CCNY: variants seen among roughly 807,000 people sequenced by gnomAD.
CCNY encodes the protein cyclin-Y.
A neutral mutation model predicts 42.8 loss-of-function variants in CCNY; 19 were observed. That is an observed-to-expected ratio of 0.44 (90% CI 0.31 to 0.65). CCNY has a LOEUF of 0.65. CCNY is among the 30% of genes least tolerant of loss of function. The pLI is 0.07. For synonymous variants in CCNY, 165 were observed against 162.7 expected (o/e 1.01, Z -0.11); for missense variants, 370 against 437.3 (o/e 0.85, Z 1.37).
At chr10:35,418,803 T>G (rs148360171) in intron 1 of CCNY, among the ~76,000 whole-genome samples, 6 of 152,110 alleles carry the variant, frequency 3.9e-5, no homozygotes, top group African/African-American at 1.4e-4. Context: ...TGTGCTCAGT[T>G]TCTTCATCTG....
rs775450185 is a variant in CCNY, at chr10:35,253,414, A to AATTTTTTTTTTTTTTTT, written c.-9+2788_-9+2789insATTTTTTTTTTTTTTTT. Among the ~76,000 whole-genome samples, 4 of 89,036 alleles carry AATTTTTTTTTTTTTTTT rather than the reference A, an allele frequency of 4.5e-5. 1 individual carries two copies. The highest frequency in any genetic ancestry group is 9.5e-5 in the African/African-American group (2 of 21,142). 58.4% of individuals were successfully genotyped at this position (89,036 alleles called of 152,430 possible). A position where few individuals can be genotyped will look rare whatever the true frequency, so the allele number is the denominator to read the frequency against. On this transcript the variant is annotated intron_variant, in intron 3 of 11. Coordinates refer to the CCNY transcript ENST00000374706. ...ACAGGCATGCACCAGCATGCTCACT[A>AATTTTTTTTTTTTTTTT]TTTTTTTTTTTTTTTTTTTTTTTTT...
At chr10:35,327,147 A>G (rs1041536850) in intron 3 of CCNY, among the ~76,000 whole-genome samples, 3 of 152,236 alleles carry the variant, frequency 2.0e-5, no homozygotes, top group Non-Finnish European at 2.9e-5. Flanking sequence ...CTTTTAAAAA[A>G]GATAAATATT....
At chr10:35,269,890 A>G (rs1424731824) in intron 3 of CCNY, among the ~76,000 whole-genome samples, 2 of 152,120 alleles carry the variant, frequency 1.3e-5, no homozygotes, top group Non-Finnish European at 2.9e-5. Flanking sequence ...AGACTCCCAA[A>G]GTGCTGGGGT....
rs763655474 is a variant in CCNY, at chr10:35,569,292, G to A, written c.*122G>A. The A allele has an allele frequency of 1.5e-5, 10 of 670,310 alleles. No individual in the cohort carries two copies. The highest frequency in any genetic ancestry group is 2.7e-5 in the East Asian group (1 of 37,234). The allele number at this position is 670,310 out of a possible 1,614,324, so 41.5% of individuals were successfully genotyped here. ...CTTTTCTTTTTTTACGCATAGCTCC[G>A]TCAAGCTGCCTGGATGAGCGCCCAT... On this transcript the variant is annotated 3_prime_UTR_variant, in exon 10 of 10. Transcript: ENST00000374704.
intron 3 of CCNY, among the ~76,000 whole-genome samples, chr10:35,296,833 A>C (rs1298389995): frequency 6.6e-6 from 1 of 152,176 alleles, no homozygotes; most frequent in African/African-American, 2.4e-5. Context: ...AACCAAGAAA[A>C]GCCCAGGACC....
Position 35,572,628 on chromosome 10 carries a change from G to A in CCNY, c.*3458G>A, listed in dbSNP as rs1178505485. On this transcript the variant is annotated 3_prime_UTR_variant, in exon 10 of 10. Coordinates refer to ENST00000374704, the MANE Select transcript of CCNY (RefSeq NM_145012.6). Reference sequence around the variant, plus strand: ...AAAACATGATTCTTGGTTATTGTAGGTATTTAATAAATGTTAAATAAATAT... The same window carrying A: ...AAAACATGATTCTTGGTTATTGTAGATATTTAATAAATGTTAAATAAATAT... 1 of 152,170 alleles carries A rather than the reference G, an allele frequency of 6.6e-6. No homozygotes were observed. Among genetic ancestry groups the A allele is most frequent in the Non-Finnish European group, 1.5e-5 (1 of 68,046 alleles). 9.4% of individuals were successfully genotyped at this position (152,170 alleles called of 1,614,324 possible). A position where few individuals can be genotyped will look rare whatever the true frequency, so the allele number is the denominator to read the frequency against.
At position 35,487,186 on chromosome 10, in the gene CCNY, G is replaced by T. The variant is rs1469438766; in HGVS notation, c.229+3708G>T. 3.3e-5 allele frequency among the ~76,000 whole-genome samples: 5 copies of T among 152,102 alleles called. No homozygotes were observed. The East Asian group carries it at 7.7e-4, about 23-fold the overall frequency. On this transcript the variant is annotated intron_variant, in intron 2 of 9. Transcript: ENST00000374704. ...TTCCATTACAAGACCACAACTGTGG[G>T]TCTTCTACCCTATTTTTTTTCTAGT...
intron 3 of CCNY, among the ~76,000 whole-genome samples, chr10:35,261,318 A>G (rs1230050791): frequency 6.6e-6 from 1 of 150,878 alleles, no homozygotes; most frequent in Non-Finnish European, 1.5e-5. Context: ...GCTCACAGCA[A>G]CCTCCGCCTT....
In CCNY at chr10:35,336,609, A is replaced by G. The variant is rs1289498466; in HGVS notation, c.-445A>G. On this transcript the variant is annotated 5_prime_UTR_variant, in exon 1 of 10. Coordinates refer to ENST00000374704, the MANE Select transcript of CCNY (RefSeq NM_145012.6). The stretch of plus-strand genomic sequence containing the variant: ...CGGCTAGTCCCGCCGTCCGGCGCGG[A>G]CACGCGTGCCCCCGGCTTGAACCGG... Among the ~76,000 whole-genome samples the G allele has an allele frequency of 2.0e-5, 3 of 146,662 alleles. No homozygotes were observed. The highest frequency in any genetic ancestry group is 4.5e-5 in the Non-Finnish European group (3 of 66,140).
chr10:35,560,704 T>G (rs1272313069), intron 8 of CCNY, among the ~76,000 whole-genome samples: 1 of 152,238 alleles, frequency 6.6e-6, no homozygotes, highest in African/African-American at 2.4e-5. Flanking sequence ...GAGATATCTG[T>G]GGACATAGAT....
At position 35,274,848 on chromosome 10, in the gene CCNY, T is replaced by G. The variant is rs79817908; in HGVS notation, c.-9+24222T>G. 4.6e-3 allele frequency among the ~76,000 whole-genome samples: 704 copies of G among 152,186 alleles called. 5 individuals carry two copies. The highest frequency in any genetic ancestry group is 0.01 in the Middle Eastern group (3 of 294). On this transcript the variant is annotated intron_variant, in intron 3 of 11. Coordinates refer to the CCNY transcript ENST00000374706. ...CAGTGCTAATGCGCTGTAGTAAAGC[T>G]GCCACACGGGCACAGCAGCTGCTGC...
intron 1 of CCNY, among the ~76,000 whole-genome samples, chr10:35,432,850 G>A (rs1484542824): frequency 1.3e-5 from 2 of 152,190 alleles, no homozygotes; most frequent in East Asian, 3.8e-4. Flanking sequence ...TACAGCAAAG[G>A]TGCCCCAGGG....
intron 1 of CCNY, among the ~76,000 whole-genome samples, chr10:35,420,755 C>T (rs1838141291): frequency 6.6e-6 from 1 of 152,178 alleles, no homozygotes. Context: ...AAAACAGATG[C>T]TTTCTTTTGG....
intron 3 of CCNY, among the ~76,000 whole-genome samples, chr10:35,307,816 A>AT (rs1292325238): frequency 0.12 from 8,053 of 68,368 alleles, 688 homozygotes; most frequent in Middle Eastern, 0.17. Flanking sequence ...ATATATATAT[A>AT]TATTTTTTTT....
chr10:35,383,376 C>T (rs183060327), intron 1 of CCNY, among the ~76,000 whole-genome samples: 83 of 151,774 alleles, frequency 5.5e-4, no homozygotes, highest in African/African-American at 2.0e-3. Context: ...GGCACAATCT[C>T]GGCTCACTGC....
intron 1 of CCNY, among the ~76,000 whole-genome samples, chr10:35,459,255 C>T (rs771843012): frequency 6.6e-6 from 1 of 152,214 alleles, no homozygotes; most frequent in Non-Finnish European, 1.5e-5. Flanking sequence ...GCGCTGCTGT[C>T]TGAGAGGCCA....
chr10:35,529,010 TA>T (rs1840708738), intron 5 of CCNY, among the ~76,000 whole-genome samples: 1 of 152,182 alleles, frequency 6.6e-6, no homozygotes, highest in Admixed American at 6.5e-5. Context: ...AAATTTCATA[TA>T]ACAGATGAAA....
chr10:35,328,949 T>C (rs772951713), intron 3 of CCNY, among the ~76,000 whole-genome samples: 9 of 152,206 alleles, frequency 5.9e-5, no homozygotes, highest in African/African-American at 1.2e-4. Context: ...GAAATGCAAG[T>C]AAAACATAAT....
At chr10:35,546,397 G>A (rs950496026) in intron 7 of CCNY, among the ~76,000 whole-genome samples, 21 of 152,140 alleles carry the variant, frequency 1.4e-4, no homozygotes, top group Admixed American at 1.3e-4. Flanking sequence ...ATTAACCTGT[G>A]GTTTCCAGAG....
Sources: gnomAD v4.1 joint callset for allele counts (sites outside exome capture counted in the v4.1 genomes callset) on GRCh38, gnomAD v4.1.1 for gene constraint, MANE v1.5 for transcripts, NCBI Gene and HGNC (gene_info 2026-07-23, HGNC 2026-07-21) for gene names.